MYRFL: variants seen among roughly 807,000 people sequenced by gnomAD.
MYRFL encodes myelin regulatory factor-like protein.
MYRFL carries 88 observed loss-of-function variants against 109.4 expected under a neutral mutation model. The ratio of observed to expected loss-of-function variants is 0.80; its 90% confidence interval spans 0.68 to 0.96. The LOEUF is 0.96. Ranked by LOEUF, MYRFL falls within the 40% of genes least tolerant of loss-of-function variation. MYRFL has a pLI of 0.00. For synonymous variants in MYRFL, 324 were observed against 320.9 expected, an observed-to-expected ratio of 1.01 and a Z score of -0.10; for missense variants, 957 against 954.9, an observed-to-expected ratio of 1.00 and a Z score of -0.03.
chr12:69,865,718 G>A (rs1268328), intron 2 of MYRFL, among the ~76,000 whole-genome samples: 119,094 of 151,954 alleles, frequency 0.78, 47,349 homozygotes, highest in Non-Finnish European at 0.86. Context: ...TTTAGTCTCC[G>A]TGATAATAAT....
At chr12:69,928,768 G>T (rs1955178889) in intron 15 of MYRFL, among the ~76,000 whole-genome samples, 1 of 152,126 alleles carries the variant, frequency 6.6e-6, no homozygotes, top group African/African-American at 2.4e-5. Flanking sequence ...GGGAGCTAAA[G>T]CTCTTTGCAC....
At chr12:69,859,674 C>T (rs1884515924) in intron 2 of MYRFL, among the ~76,000 whole-genome samples, 1 of 152,142 alleles carries the variant, frequency 6.6e-6, no homozygotes, top group South Asian at 2.1e-4. Flanking sequence ...AAAAAATGCT[C>T]ATCATCACTG....
At chr12:69,950,556 C>T (rs960548688) in intron 19 of MYRFL, among the ~76,000 whole-genome samples, 5 of 152,194 alleles carry the variant, frequency 3.3e-5, no homozygotes, top group Non-Finnish European at 7.3e-5. Context: ...TTTGCAACTT[C>T]ATATGAGCCA....
intron 13 of MYRFL, among the ~76,000 whole-genome samples, chr12:69,922,475 A>C (rs967100330): frequency 3.9e-5 from 6 of 152,196 alleles, no homozygotes; most frequent in African/African-American, 1.4e-4. Flanking sequence ...AATGTATAAA[A>C]AACTAGAGAG....
intron 2 of MYRFL, among the ~76,000 whole-genome samples, chr12:69,872,893 A>G (rs753157819): frequency 1.5e-4 from 23 of 152,060 alleles, no homozygotes; most frequent in Non-Finnish European, 3.2e-4. Context: ...CAGCGTCCCA[A>G]AGCACTGGAA....
intron 1 of MYRFL, among the ~76,000 whole-genome samples, chr12:69,835,258 C>T (rs1266763481): frequency 6.6e-6 from 1 of 152,170 alleles, no homozygotes; most frequent in Non-Finnish European, 1.5e-5. Context: ...TCAGCCATGC[C>T]TTGGCAGGGT....
At chr12:69,851,301 C>T (rs1883862211) in intron 1 of MYRFL, among the ~76,000 whole-genome samples, 1 of 152,152 alleles carries the variant, frequency 6.6e-6, no homozygotes, top group African/African-American at 2.4e-5. Context: ...ATGCAATATA[C>T]TTATGGAACA....
chr12:69,866,416 G>A (rs912784358), intron 2 of MYRFL, among the ~76,000 whole-genome samples: 1 of 152,096 alleles, frequency 6.6e-6, no homozygotes, highest in Non-Finnish European at 1.5e-5. Context: ...CATTAGATCT[G>A]TACAACCTGT....
chr12:69,926,673 C>G lies in MYRFL; in HGVS notation c.1705C>G (p.Leu569Val). Residue 569 changes from leucine to valine, a missense_variant, in exon 14 of 25, where the codon CTG (leucine) becomes GTG (valine). Coordinates refer to ENST00000552032, the MANE Select transcript of MYRFL (RefSeq NM_182530.3). ...IEELEIWNRK[L>V]ARLKRLSSWK... ...AGAGTTAGAAATATGGAACAGAAAG[C>G]TGGCCCGGCTAAAGCGGCTCAGTAG... 1 of 1,525,182 alleles carries G rather than the reference C, an allele frequency of 6.6e-7. No homozygotes were observed. Among genetic ancestry groups the G allele is most frequent in the Non-Finnish European group, 8.8e-7 (1 of 1,140,348 alleles). 94.5% of individuals were successfully genotyped at this position (1,525,182 alleles called of 1,614,324 possible). A position where few individuals can be genotyped will look rare whatever the true frequency, so the allele number is the denominator to read the frequency against.
chr12:69,926,718 G>A lies in MYRFL; in HGVS notation c.1750G>A (p.Glu584Lys). Reference protein sequence around the residue: ...RLSSWKSSASEASTISKSSRA... With the variant: ...RLSSWKSSASKASTISKSSRA... The stretch of plus-strand genomic sequence containing the variant: ...CAGTAGTTGGAAGTCATCAGCCAGT[G>A]AAGCAAGCACAATCAGGTACGTGCA... Residue 584 changes from glutamate (E) to lysine (K), a missense_variant, in exon 14 of 25, where the codon GAA (glutamate) becomes AAA (lysine). Transcript: ENST00000552032. The A allele has an allele frequency of 1.3e-6, 2 of 1,500,510 alleles. No individual in the cohort carries two copies. Among genetic ancestry groups the A allele is most frequent in the Non-Finnish European group, 8.9e-7 (1 of 1,127,702 alleles). The allele number at this position is 1,500,510 out of a possible 1,614,324, so 92.9% of individuals were successfully genotyped here.
In MYRFL at chr12:69,937,142, A is replaced by G. The variant is rs150650977; in HGVS notation, c.2224+510A>G. Among the ~76,000 whole-genome samples the G allele has an allele frequency of 3.3e-3, 502 of 152,232 alleles. 1 individual carries two copies. The highest frequency in any genetic ancestry group is 0.01 in the Middle Eastern group (3 of 294). On this transcript the variant is annotated intron_variant, in intron 19 of 24. Transcript: ENST00000552032. ...CCTAGGGACACACACACACATACAT[A>G]CATACCAATGTTATTCAAGTAACAC... is the stretch of plus-strand genomic sequence containing the variant.
rs1005057777 is a variant in MYRFL, at chr12:69,904,953, C to T, written c.1383+1109C>T. ...ACCAGCCAAGGAATGTCCTCCTTTG[C>T]TTAGAGGATTCCAAAGAATGGTTGT... On this transcript the variant is annotated intron_variant, in intron 11 of 24. Coordinates refer to ENST00000552032, the MANE Select transcript of MYRFL (RefSeq NM_182530.3). Among the ~76,000 whole-genome samples the T allele has an allele frequency of 2.0e-5, 3 of 152,302 alleles. No individual in the cohort carries two copies. The South Asian group carries it at 6.2e-4, about 32-fold the overall frequency.
chr12:69,896,294 C>T (rs1322275070), intron 9 of MYRFL, among the ~76,000 whole-genome samples: 4 of 152,148 alleles, frequency 2.6e-5, no homozygotes, highest in African/African-American at 9.7e-5. Flanking sequence ...CGGTATATGA[C>T]ACACTGAGCT....
intron 11 of MYRFL, among the ~76,000 whole-genome samples, chr12:69,907,533 A>C (rs1270727): frequency 1 from 151,901 of 152,238 alleles, 75,783 homozygotes; most frequent in Middle Eastern, 1. Flanking sequence ...CATAGGACTC[A>C]CAGGGGCCTA....
At chr12:69,867,032 G>A (rs565069248) in intron 2 of MYRFL, among the ~76,000 whole-genome samples, 14 of 152,372 alleles carry the variant, frequency 9.2e-5, no homozygotes, top group Non-Finnish European at 2.1e-4. Flanking sequence ...CATGTATAAG[G>A]CATGTATGCA....
At chr12:69,867,730 G>A (rs1343915711) in intron 2 of MYRFL, among the ~76,000 whole-genome samples, 1 of 152,192 alleles carries the variant, frequency 6.6e-6, no homozygotes, top group Admixed American at 6.5e-5. Flanking sequence ...CACTATAGTG[G>A]GGTTGATAAG....
intron 1 of MYRFL, among the ~76,000 whole-genome samples, chr12:69,851,739 G>T (rs1405451140): frequency 6.6e-6 from 1 of 152,158 alleles, no homozygotes; most frequent in East Asian, 1.9e-4. Flanking sequence ...GCTCACTGTA[G>T]CCTCAACCTC....
chr12:69,924,150 C>T (rs1027533249), intron 13 of MYRFL, among the ~76,000 whole-genome samples: 2 of 146,746 alleles, frequency 1.4e-5, no homozygotes, highest in African/African-American at 5.1e-5. Flanking sequence ...GATCATGCCA[C>T]TGCACTCCAG....
At chr12:69,923,201 A>T (rs1038671236) in intron 13 of MYRFL, among the ~76,000 whole-genome samples, 2 of 152,150 alleles carry the variant, frequency 1.3e-5, no homozygotes, top group Non-Finnish European at 2.9e-5. Flanking sequence ...AGTCATTTTG[A>T]CCCAACCACA....
Sources: allele counts gnomAD v4.1 joint callset (sites outside exome capture counted in the v4.1 genomes callset), GRCh38; gene constraint gnomAD v4.1.1; transcripts MANE v1.5; gene names NCBI Gene and HGNC (gene_info 2026-07-23, HGNC 2026-07-21).